The following CNTNAP2 variants were observed in gnomAD, a reference collection of about 807,000 sequenced individuals.
The protein encoded by CNTNAP2 is contactin associated protein 2.
In CNTNAP2, 98 loss-of-function variants were observed where a neutral mutation model predicts 155.2. The ratio of observed to expected loss-of-function variants is 0.63; its 90% CI spans 0.54 to 0.75. The LOEUF (loss-of-function observed/expected upper bound fraction) is 0.75, where lower values mean the gene tolerates loss of function less well. Ranked by LOEUF, CNTNAP2 falls within the 30% of genes least tolerant of loss-of-function variation. The probability of loss-of-function intolerance (pLI) is 0.00; values close to 1 mark genes in which losing one functional copy is unlikely to be tolerated. For missense variants in CNTNAP2, 1,727 were observed against 1,688.1 expected, an observed-to-expected ratio of 1.02 and a Z score of -0.40; for synonymous variants, 651 against 631.2, an observed-to-expected ratio of 1.03 and a Z score of -0.47.
intron 13 of CNTNAP2, among the ~76,000 whole-genome samples, chr7:147,654,989 G>T (rs958609652): frequency 4.0e-5 from 6 of 151,278 alleles, no homozygotes; most frequent in African/African-American, 1.2e-4. Flanking sequence ...GCTAATTTTT[G>T]TATTTTTAGT....
chr7:147,654,615 C>G (rs1474504691), intron 13 of CNTNAP2, among the ~76,000 whole-genome samples: 1 of 152,096 alleles, frequency 6.6e-6, no homozygotes. Flanking sequence ...TTGAACCTCT[C>G]AAACTCACTC....
At chr7:146,453,946 G>C (rs950625733) in intron 1 of CNTNAP2, among the ~76,000 whole-genome samples, 3 of 152,010 alleles carry the variant, frequency 2.0e-5, no homozygotes, top group African/African-American at 7.2e-5. Flanking sequence ...GGAGAAGCAG[G>C]AGAAATGTTT....
chr7:147,719,149 A>T (rs979240355), intron 13 of CNTNAP2, among the ~76,000 whole-genome samples: 1 of 152,124 alleles, frequency 6.6e-6, no homozygotes, highest in Non-Finnish European at 1.5e-5. Flanking sequence ...TGCCTCCTTC[A>T]TTGAACTTTT....
rs182619709 is a variant in CNTNAP2 at position 146,679,513 on chromosome 7, G to A, written c.98-94758G>A. Among the ~76,000 whole-genome samples the A allele has an allele frequency of 4.2e-3, 635 of 151,798 alleles. 1 individual carries two copies. The highest frequency in any genetic ancestry group is 0.015 in the African/African-American group (606 of 41,396). ...TGGGATTACAGGCGCCCGCCAACAC[G>A]CCCAGCTAATTTTTTGTATTTTTAG... is the stretch of plus-strand genomic sequence containing the variant. On this transcript the variant is annotated intron_variant, in intron 1 of 23. Coordinates refer to ENST00000361727, the MANE Select transcript of CNTNAP2 (RefSeq NM_014141.6).
intron 2 of CNTNAP2, among the ~76,000 whole-genome samples, chr7:146,798,654 G>T (rs1802814376): frequency 6.6e-6 from 1 of 151,990 alleles, no homozygotes; most frequent in African/African-American, 2.4e-5. Context: ...CCATAATTTA[G>T]CACTTCTATC....
At chr7:147,834,013 A>G (rs970245565) in intron 13 of CNTNAP2, among the ~76,000 whole-genome samples, 2 of 152,196 alleles carry the variant, frequency 1.3e-5, no homozygotes, top group African/African-American at 2.4e-5. Flanking sequence ...AGACACCTCA[A>G]AGGAAGAATT....
intron 1 of CNTNAP2, among the ~76,000 whole-genome samples, chr7:146,431,394 C>A (rs1796170767): frequency 6.6e-6 from 1 of 151,928 alleles, no homozygotes; most frequent in Non-Finnish European, 1.5e-5. Flanking sequence ...AGTCTCTGGT[C>A]CTGCAACCTC....
intron 1 of CNTNAP2, among the ~76,000 whole-genome samples, chr7:146,154,232 G>T (rs1374425327): frequency 6.6e-6 from 1 of 152,122 alleles, no homozygotes. Flanking sequence ...TTATTTTTGT[G>T]ATGTAATATA....
chr7:147,897,260 A>G (rs1799791949), intron 13 of CNTNAP2, among the ~76,000 whole-genome samples: 1 of 152,232 alleles, frequency 6.6e-6, no homozygotes, highest in Non-Finnish European at 1.5e-5. Context: ...TGAAAATGAA[A>G]CACAGTGTTA....
At chr7:147,714,843 A>C (rs1046678125) in intron 13 of CNTNAP2, among the ~76,000 whole-genome samples, 5 of 152,130 alleles carry the variant, frequency 3.3e-5, no homozygotes, top group African/African-American at 9.6e-5. Context: ...AGCGGAATCT[A>C]CACCCTCATC....
At chr7:146,853,840 T>G (rs1201724364) in intron 3 of CNTNAP2, among the ~76,000 whole-genome samples, 1 of 152,172 alleles carries the variant, frequency 6.6e-6, no homozygotes, top group Admixed American at 6.6e-5. Flanking sequence ...TCCACCAAAT[T>G]GTGGAATTTA....
At chr7:147,132,604 C>G (rs1357336121) in intron 8 of CNTNAP2, 95 bp downstream of exon 8, 15 of 1,499,450 alleles carry the variant, frequency 1.0e-5, no homozygotes, top group Non-Finnish European at 8.3e-6. Context: ...GTTACACGCT[C>G]AGGATTAGGT....
At chr7:147,665,180 A>G (rs1379910915) in intron 13 of CNTNAP2, among the ~76,000 whole-genome samples, 1 of 152,170 alleles carries the variant, frequency 6.6e-6, no homozygotes, top group Admixed American at 6.5e-5. Context: ...CTGAAACTAT[A>G]GGTGTATTTT....
intron 1 of CNTNAP2, among the ~76,000 whole-genome samples, chr7:146,768,017 A>G (rs1802228007): frequency 6.6e-6 from 1 of 152,164 alleles, no homozygotes; most frequent in African/African-American, 2.4e-5. Context: ...ATGTCTAAAA[A>G]TTATTATAAA....
At chr7:147,770,358 A>G (rs1378925066) in intron 13 of CNTNAP2, among the ~76,000 whole-genome samples, 1 of 152,210 alleles carries the variant, frequency 6.6e-6, no homozygotes, top group Non-Finnish European at 1.5e-5. Context: ...CTTTCTGTGT[A>G]ACAAGATGAG....
intron 1 of CNTNAP2, among the ~76,000 whole-genome samples, chr7:146,315,456 G>A (rs946261307): frequency 6.6e-6 from 1 of 152,112 alleles, no homozygotes; most frequent in Admixed American, 6.6e-5. Flanking sequence ...ATGCCTGAGT[G>A]TATCTCCACT....
intron 1 of CNTNAP2, among the ~76,000 whole-genome samples, chr7:146,227,082 G>A (rs1304755806): frequency 6.6e-6 from 1 of 152,224 alleles, no homozygotes; most frequent in Middle Eastern, 3.4e-3. Context: ...TAGGCATAGA[G>A]AGACAGATGG....
intron 20 of CNTNAP2, among the ~76,000 whole-genome samples, chr7:148,252,830 C>A (rs1440305051): frequency 1.3e-5 from 2 of 152,036 alleles, no homozygotes; most frequent in Non-Finnish European, 2.9e-5. Flanking sequence ...CTATTATATA[C>A]AATAACAAGC....
At chr7:146,395,384 C>G (rs553254825) in intron 1 of CNTNAP2, among the ~76,000 whole-genome samples, 545 of 152,156 alleles carry the variant, frequency 3.6e-3, no homozygotes, top group Non-Finnish European at 6.0e-3. Flanking sequence ...TTCTTGATTT[C>G]AAATAAGCGG....
Sources: allele counts gnomAD v4.1 joint callset (sites outside exome capture counted in the v4.1 genomes callset), GRCh38; gene constraint gnomAD v4.1.1; transcripts MANE v1.5; gene names NCBI Gene and HGNC (gene_info 2026-07-23, HGNC 2026-07-21).